Variants in CHD5 observed in about 807,000 individuals in gnomAD.
CHD5 encodes ATP-dependent chromatin remodeler CHD5.
In CHD5, 69 loss-of-function variants were observed where a neutral mutation model predicts 230.3. The ratio of observed to expected loss-of-function variants is 0.30; its 90% CI spans 0.25 to 0.37. CHD5 has a LOEUF of 0.37. CHD5 is among the 10% of genes least tolerant of loss of function. The probability of loss-of-function intolerance (pLI) is 1.00; values close to 1 mark genes in which losing one functional copy is unlikely to be tolerated. For missense variants in CHD5, 1,827 were observed against 2,622.8 expected (o/e 0.70, Z 6.63); for synonymous variants, 1,064 against 1,065.9 (o/e 1.00, Z 0.03).
intron 15 of CHD5, among the ~76,000 whole-genome samples, chr1:6,139,327 C>G (rs1666792867): frequency 6.6e-6 from 1 of 152,056 alleles, no homozygotes; most frequent in Non-Finnish European, 1.5e-5. Flanking sequence ...GCCTCCGCCT[C>G]CCAGGTTCAA....
chr1:6,170,332 G>T (rs962030540), intron 1 of CHD5, among the ~76,000 whole-genome samples: 1 of 152,176 alleles, frequency 6.6e-6, no homozygotes, highest in Non-Finnish European at 1.5e-5. Context: ...TCCTAAGCGG[G>T]GAAAGGGGGA....
At chr1:6,172,093 T>A (rs1243437130) in intron 1 of CHD5, among the ~76,000 whole-genome samples, 1 of 152,198 alleles carries the variant, frequency 6.6e-6, no homozygotes, top group Non-Finnish European at 1.5e-5. Flanking sequence ...TAGCTCCCAG[T>A]ATGCGCCAGC....
chr1:6,149,534 G>T, intron 7 of CHD5, 122 bp from the exon 8 acceptor site: 3 of 954,066 alleles, frequency 3.1e-6, no homozygotes, highest in South Asian at 2.4e-5. Flanking sequence ...ATGGAAAGGT[G>T]GGTGGGTGAA....
chr1:6,145,569 G>T (rs2100860055), intron 11 of CHD5, among the ~76,000 whole-genome samples: 1 of 152,326 alleles, frequency 6.6e-6, no homozygotes, highest in South Asian at 2.1e-4. Flanking sequence ...CCTGCCTCTG[G>T]CTCTTTGTGC....
At chr1:6,160,440 C>T (rs565314264) in intron 2 of CHD5, among the ~76,000 whole-genome samples, 9 of 141,164 alleles carry the variant, frequency 6.4e-5, no homozygotes, top group African/African-American at 2.2e-4. Flanking sequence ...AGGAGAGCCC[C>T]AGCCAGGGAA....
intron 33 of CHD5, chr1:6,113,442 G>A (rs1208961491): frequency 3.2e-6 from 1 of 314,402 alleles, no homozygotes; most frequent in East Asian, 8.4e-5. Context: ...ACAGCACACA[G>A]AAGATGAGTT....
In CHD5 at chr1:6,129,891, C is replaced by T. The variant is rs556738837; in HGVS notation, c.3387+313G>A. Reference sequence around the variant, plus strand: ...GGCTCCCTCTTCCTGCCTCCCTCCACGGCCTTGGTCCTGAGGATGATGGGA... The same window carrying T: ...GGCTCCCTCTTCCTGCCTCCCTCCATGGCCTTGGTCCTGAGGATGATGGGA... On this transcript the variant is annotated intron_variant, in intron 22 of 41. Coordinates refer to ENST00000262450, the MANE Select transcript of CHD5 (RefSeq NM_015557.3). This position sits in a 1 kb window ranked among gnomAD's most constrained non-coding sequence, Gnocchi z 6.8. 5.7e-4 allele frequency among the ~76,000 whole-genome samples: 87 copies of T among 152,298 alleles called. No homozygotes were observed. Among genetic ancestry groups the T allele is most frequent in the African/African-American group, 1.8e-3 (74 of 41,566 alleles).
At chr1:6,110,811 C>T (rs2100831577) in intron 36 of CHD5, among the ~76,000 whole-genome samples, 1 of 152,292 alleles carries the variant, frequency 6.6e-6, no homozygotes, top group South Asian at 2.1e-4. Context: ...TAAGTCTTGC[C>T]CCCAGTGCCT....
At chr1:6,116,451 A>G (rs1666380054) in intron 33 of CHD5, among the ~76,000 whole-genome samples, 1 of 152,230 alleles carries the variant, frequency 6.6e-6, no homozygotes, top group African/African-American at 2.4e-5. Context: ...GATAAACAAA[A>G]ACTTCACTCT....
At position 6,126,647 on chromosome 1, in the gene CHD5, G is replaced by A; in HGVS notation, c.4003C>T (p.Leu1335=). ...TTGCCCTTGCCCAGGTTGCGGGCCAGGTCCTCCTGCTGCTGCTCATAGTGG... is the reference window on the plus strand; with the variant it reads ...TTGCCCTTGCCCAGGTTGCGGGCCAAGTCCTCCTGCTGCTGCTCATAGTGG... ...RHHYEQQQED[L]ARNLGKGKRI... Residue 1335 remains leucine (L), a synonymous_variant, in exon 26 of 42, where the codon CTG becomes TTG. Transcript: ENST00000262450. The surrounding 1 kb of genome is among the most constrained non-coding windows in gnomAD (Gnocchi z 5.7). 1 of 1,614,014 alleles carries A rather than the reference G, an allele frequency of 6.2e-7. No homozygotes were observed. The highest frequency in any genetic ancestry group is 8.5e-7 in the Non-Finnish European group (1 of 1,180,026).
At chr1:6,136,959 G>T (rs1666755665) in intron 15 of CHD5, 94 bp from the exon 16 acceptor site, 4 of 1,380,064 alleles carry the variant, frequency 2.9e-6, no homozygotes, top group Non-Finnish European at 2.9e-6. Context: ...GTGTGCACAG[G>T]AACCCACAAA....
intron 2 of CHD5, among the ~76,000 whole-genome samples, chr1:6,162,323 T>C (rs1571169034): frequency 6.7e-6 from 1 of 149,666 alleles, no homozygotes; most frequent in Non-Finnish European, 1.5e-5. Flanking sequence ...GAGGCGGAGG[T>C]TGCAGTGAGC....
Position 6,168,153 on chromosome 1 carries a change from T to C in CHD5, c.204A>G (p.Lys68=), listed in dbSNP as rs772428706. The C allele has an allele frequency of 3.7e-6, 6 of 1,603,818 alleles. No homozygotes were observed. The highest frequency in any genetic ancestry group is 1.7e-5 in the Admixed American group (1 of 59,718). ...CGGCGCAGGTGCTGCCCCTCACCTC[T>C]TTCTTCTTCCGCTTCCCTTTACACT... ...ENKCKGKRKK[K]EGSNDELSEN... The change falls in exon 2 of 42, where the codon AAA becomes AAG. Residue 68 remains lysine (K), a synonymous_variant. Coordinates refer to ENST00000262450, the MANE Select transcript of CHD5 (RefSeq NM_015557.3).
rs1557533061 is a variant in CHD5, at chr1:6,106,252, C to T, written c.*28G>A. On this transcript the variant is annotated 3_prime_UTR_variant, in exon 41 of 42. Coordinates refer to ENST00000262450, the MANE Select transcript of CHD5 (RefSeq NM_015557.3). The stretch of plus-strand genomic sequence containing the variant: ...CCCTCACCTCAGCTGGAAATGAGCG[C>T]TGCAACACAGGGAAGTCTCGAGGAC... 3 of 1,612,790 alleles carry T rather than the reference C, an allele frequency of 1.9e-6. No homozygotes were observed. The highest frequency in any genetic ancestry group is 2.5e-6 in the Non-Finnish European group (3 of 1,179,946).
rs1666206255 is a variant in CHD5, at chr1:6,107,549, A to AAAGGATGTAGGGATG, written c.5579-771_5579-770insCATCCCTACATCCTT. 6.1e-5 allele frequency among the ~76,000 whole-genome samples: 6 copies of AAAGGATGTAGGGATG among 99,168 alleles called. 1 individual carries two copies. The highest frequency in any genetic ancestry group is 9.5e-4 in the South Asian group (2 of 2,110). The allele number at this position is 99,168 out of a possible 152,430, so 65.1% of individuals were successfully genotyped here. On this transcript the variant is annotated intron_variant, in intron 38 of 41. Coordinates refer to ENST00000262450, the MANE Select transcript of CHD5 (RefSeq NM_015557.3). ...TGGAGAGATGGAGGGATGGAGGGATAATGAAGGGATGATGGAGAGATAAAG... is the reference window on the plus strand; with the variant it reads ...TGGAGAGATGGAGGGATGGAGGGATAAAGGATGTAGGGATGATGAAGGGATGATGGAGAGATAAAG...
chr1:6,144,262 C>G, intron 11 of CHD5, 107 bp from the exon 12 acceptor site: 2 of 1,487,240 alleles, frequency 1.3e-6, no homozygotes, highest in Non-Finnish European at 1.8e-6. Flanking sequence ...AGGGTCCCCT[C>G]GGATGCTGGG....
rs1667067665 is a variant in CHD5 at position 6,155,555 on chromosome 1, A to G, written c.506+44T>C. ...GCCTCCCTCCCGACTTGGTACCACC[A>G]GAGGATGTGCGGGCCTGGAGAACAG... On this transcript the variant is annotated intron_variant, in intron 4 of 41. Transcript: ENST00000262450. This position sits in a 1 kb window ranked among gnomAD's most constrained non-coding sequence, Gnocchi z 4.0. 3.9e-5 allele frequency: 59 copies of G among 1,516,830 alleles called. 1 individual carries two copies. The East Asian group carries it at 1.3e-3, about 34-fold the overall frequency. 94.0% of individuals were successfully genotyped at this position (1,516,830 alleles called of 1,614,324 possible). A position where few individuals can be genotyped will look rare whatever the true frequency, so the allele number is the denominator to read the frequency against.
intron 13 of CHD5, among the ~76,000 whole-genome samples, 195 bp downstream of exon 13, chr1:6,143,628 G>A (rs374955398): frequency 2.6e-5 from 4 of 152,200 alleles, no homozygotes; most frequent in African/African-American, 9.7e-5. Flanking sequence ...AGAGTGGTGT[G>A]TAAGTAGCAT....
At chr1:6,119,821 A>G (rs1281428274) in intron 33 of CHD5, among the ~76,000 whole-genome samples, 2 of 149,848 alleles carry the variant, frequency 1.3e-5, no homozygotes, top group Non-Finnish European at 3.0e-5. Context: ...ATACGTATAT[A>G]TATACGTGTA....
Sources: gnomAD v4.1 joint callset for allele counts (sites outside exome capture counted in the v4.1 genomes callset) on GRCh38, gnomAD v4.1.1 for gene constraint, Gnocchi (gnomAD v3.1) non-coding constraint, MANE v1.5 for transcripts, NCBI Gene and HGNC (gene_info 2026-07-23, HGNC 2026-07-21) for gene names.